C12orf76: variants seen among roughly 807,000 people sequenced by gnomAD.
The protein encoded by C12orf76 is uncharacterized protein C12orf76.
In C12orf76, 6 loss-of-function variants were observed where a neutral mutation model predicts 6.8. That is an observed-to-expected ratio of 0.88 (90% CI 0.48 to 1.73). C12orf76 has a LOEUF of 1.73. C12orf76 is among the 40% of genes most tolerant of loss of function. The pLI is 0.01. For synonymous variants in C12orf76, 56 were observed against 43.7 expected, an observed-to-expected ratio of 1.28 and a Z score of -1.11; for missense variants, 99 against 98.2, an observed-to-expected ratio of 1.01 and a Z score of -0.03.
At chr12:110,058,003 G>A (rs566297135) in intron 3 of C12orf76, among the ~76,000 whole-genome samples, 1 of 141,798 alleles carries the variant, frequency 7.1e-6, no homozygotes, top group East Asian at 2.0e-4. Context: ...GGCGGGGATT[G>A]CAGTGAGCCA....
At chr12:110,072,556 CTG>C (rs1208064665), upstream of C12orf76, among the ~76,000 whole-genome samples, 1 of 151,306 alleles carries the variant, frequency 6.6e-6, no homozygotes, top group Non-Finnish European at 1.5e-5. Context: ...TTGCACAACT[CTG>C]TGAATAATCT....
upstream of C12orf76, among the ~76,000 whole-genome samples, chr12:110,068,455 A>G (rs1233666859): frequency 6.6e-6 from 1 of 152,166 alleles, no homozygotes; most frequent in African/African-American, 2.4e-5. Flanking sequence ...GCCCAGTTAC[A>G]TGATTCAATA....
chr12:110,071,425 A>C (rs1045525823), upstream of C12orf76, among the ~76,000 whole-genome samples: 16 of 152,128 alleles, frequency 1.1e-4, no homozygotes, highest in African/African-American at 3.6e-4. Flanking sequence ...TATATAATAC[A>C]TTCAAAAAGA....
At chr12:110,049,658 T>G (rs1348019101), upstream of C12orf76, 3 of 152,174 alleles carry the variant, frequency 2.0e-5, no homozygotes, top group Non-Finnish European at 4.4e-5. Flanking sequence ...TGGAATGTCA[T>G]CAGTTAAGGC....
intron 1 of C12orf76, among the ~76,000 whole-genome samples, chr12:110,043,619 C>T (rs1892372807): frequency 6.6e-6 from 1 of 151,886 alleles, no homozygotes; most frequent in Admixed American, 6.6e-5. Flanking sequence ...TTTGGGAGGC[C>T]GAGGCAGGCG....
chr12:110,052,478 G>T (rs1023632703), upstream of C12orf76, among the ~76,000 whole-genome samples: 1 of 152,066 alleles, frequency 6.6e-6, no homozygotes, highest in Non-Finnish European at 1.5e-5. Flanking sequence ...TTACAGGTGT[G>T]AGCCACCACA....
At chr12:110,050,124 A>G (rs1345862633), upstream of C12orf76, 1 of 152,240 alleles carries the variant, frequency 6.6e-6, no homozygotes, top group East Asian at 1.9e-4. Flanking sequence ...AGACTAGAAG[A>G]GTAGCATATT....
chr12:110,047,805 T>C (rs1427109639), intron 1 of C12orf76, among the ~76,000 whole-genome samples: 1 of 152,242 alleles, frequency 6.6e-6, no homozygotes, highest in East Asian at 1.9e-4. Context: ...TCAAAAACTG[T>C]TATCATTTTT....
chr12:110,051,894 G>A (rs2137224678), upstream of C12orf76, among the ~76,000 whole-genome samples: 1 of 149,808 alleles, frequency 6.7e-6, no homozygotes, highest in East Asian at 2.0e-4. Context: ...CATTGAAAAT[G>A]GCAGCTACTC....
chr12:110,046,729 G>A (rs1303887334), intron 1 of C12orf76, among the ~76,000 whole-genome samples: 1 of 152,208 alleles, frequency 6.6e-6, no homozygotes, highest in Non-Finnish European at 1.5e-5. Context: ...CTGGTCTGCA[G>A]ACTACCCTTT....
chr12:110,067,205 A>C (rs764597099), intron 1 of C12orf76, among the ~76,000 whole-genome samples: 33 of 152,212 alleles, frequency 2.2e-4, no homozygotes, highest in Non-Finnish European at 4.1e-4. Context: ...TGCCATCGTA[A>C]GCGGCTTGGT....
chr12:110,048,520 G>C lies in C12orf76; in HGVS notation c.-25C>G. On this transcript the variant is annotated 5_prime_UTR_variant, in exon 1 of 2. Transcript: ENST00000615315. The stretch of plus-strand genomic sequence containing the variant: ...TCTTCCCCAGCCCTGCAGAAGCAGA[G>C]AGGCCACTTCCGTCGCAAGCCCTGC... 7.2e-7 allele frequency: 1 copy of C among 1,394,628 alleles called. No individual in the cohort carries two copies. Among genetic ancestry groups the C allele is most frequent in the South Asian group, 1.5e-5 (1 of 65,180 alleles). The allele number at this position is 1,394,628 out of a possible 1,614,324, so 86.4% of individuals were successfully genotyped here. A position where few individuals can be genotyped will look rare whatever the true frequency, so the allele number is the denominator to read the frequency against.
At chr12:110,056,715 A>G (rs1036808407) in intron 4 of C12orf76, among the ~76,000 whole-genome samples, 1 of 152,228 alleles carries the variant, frequency 6.6e-6, no homozygotes, top group Non-Finnish European at 1.5e-5. Flanking sequence ...TGTAGCTCCC[A>G]TAATTCCCAC....
upstream of C12orf76, among the ~76,000 whole-genome samples, chr12:110,068,747 C>T (rs1469010718): frequency 1.3e-5 from 2 of 152,190 alleles, no homozygotes; most frequent in Admixed American, 6.5e-5. Context: ...GGCTCTTTAT[C>T]CTTCCAGCCC....
At chr12:110,063,469 T>C (rs1892810162) in intron 2 of C12orf76, among the ~76,000 whole-genome samples, 1 of 148,858 alleles carries the variant, frequency 6.7e-6, no homozygotes, top group South Asian at 2.1e-4. Flanking sequence ...TTTTTTTTTT[T>C]AGTAGAGATG....
chr12:110,051,679 C>A (rs1052458466), upstream of C12orf76, among the ~76,000 whole-genome samples: 1 of 152,062 alleles, frequency 6.6e-6, no homozygotes, highest in African/African-American at 2.4e-5. Flanking sequence ...CCTGCCTTGG[C>A]CTTCCAAAGT....
At chr12:110,057,421 G>A in intron 3 of C12orf76, 1 of 672,294 alleles carries the variant, frequency 1.5e-6, no homozygotes, top group African/African-American at 1.8e-5. Context: ...AAGAACAGTG[G>A]CGCCGGGCAC....
chr12:110,058,987 C>T, intron 3 of C12orf76: 9 of 1,542,474 alleles, frequency 5.8e-6, no homozygotes, highest in Non-Finnish European at 7.9e-6. Flanking sequence ...GCTAGTATTA[C>T]CTCCACCTAA....
At chr12:110,073,381 A>C (rs1190147854) in intron 1 of C12orf76, 2 of 511,536 alleles carry the variant, frequency 3.9e-6, no homozygotes, top group Admixed American at 4.1e-5. Flanking sequence ...TGTGCTGTCA[A>C]CCACTGCAGA....
Sources: allele counts gnomAD v4.1 joint callset (sites outside exome capture counted in the v4.1 genomes callset), GRCh38; gene constraint gnomAD v4.1.1; transcripts MANE v1.5; gene names NCBI Gene and HGNC (gene_info 2026-07-23, HGNC 2026-07-21).